The following SHISA6 variants were observed in gnomAD, a reference collection of about 807,000 sequenced individuals.
SHISA6 encodes shisa family member 6, also known as protein shisa-6.
In SHISA6, 22 loss-of-function variants were observed where a neutral mutation model predicts 47.9. The observed-to-expected ratio is 0.46, with a 90% CI of 0.33 to 0.66. The LOEUF (loss-of-function observed/expected upper bound fraction) is 0.66, where lower values mean the gene tolerates loss of function less well. Among genes scored for constraint, SHISA6 ranks in the 30% least tolerant of loss-of-function variants. The pLI is 0.02. For missense variants in SHISA6, 680 were observed against 764.6 expected (o/e 0.89, Z 1.30); for synonymous variants, 388 against 337.8 (o/e 1.15, Z -1.63).
intron 3 of SHISA6, among the ~76,000 whole-genome samples, chr17:11,521,897 C>A (rs1005282054): frequency 1.3e-5 from 2 of 152,068 alleles, no homozygotes; most frequent in Non-Finnish European, 2.9e-5. Flanking sequence ...AGGGAAAATT[C>A]TACTTAGAGA....
intron 3 of SHISA6, among the ~76,000 whole-genome samples, chr17:11,425,113 G>T (rs1914575909): frequency 6.6e-6 from 1 of 151,338 alleles, no homozygotes; most frequent in Non-Finnish European, 1.5e-5. Context: ...TTATGTGTCT[G>T]AAATCTTTCA....
intron 3 of SHISA6, among the ~76,000 whole-genome samples, chr17:11,450,652 G>T (rs971655411): frequency 6.6e-6 from 1 of 151,746 alleles, no homozygotes; most frequent in African/African-American, 2.4e-5. Context: ...CCAAGATTGC[G>T]CCATTGCACT....
At chr17:11,493,478 C>T (rs540498515) in intron 3 of SHISA6, among the ~76,000 whole-genome samples, 1 of 152,334 alleles carries the variant, frequency 6.6e-6, no homozygotes, top group African/African-American at 2.4e-5. Flanking sequence ...CCGCCCACCT[C>T]GACCTCCCAA....
chr17:11,309,705 A>G (rs572041189), intron 2 of SHISA6, among the ~76,000 whole-genome samples: 1 of 152,386 alleles, frequency 6.6e-6, no homozygotes, highest in East Asian at 1.9e-4. Flanking sequence ...GATGTTCCCT[A>G]TGCAAGCATT....
Position 11,493,063 on chromosome 17 carries a change from A to G in SHISA6, c.896-58833A>G, listed in dbSNP as rs536092368. On this transcript the variant is annotated intron_variant, in intron 3 of 5. Transcript: ENST00000441885. The stretch of plus-strand genomic sequence containing the variant: ...TCGCCTCAACACTAACATTTATCCA[A>G]CTTTTCCATGGAGATAAGGAATGTT... Among the ~76,000 whole-genome samples, 56 of 152,088 alleles carry G rather than the reference A, an allele frequency of 3.7e-4. No individual in the cohort carries two copies. The South Asian group carries it at 0.011, about 31-fold the overall frequency.
In SHISA6 at chr17:11,454,390, G is replaced by A. The variant is rs138569935; in HGVS notation, c.895+74881G>A. 3.5e-3 allele frequency among the ~76,000 whole-genome samples: 536 copies of A among 152,318 alleles called. 4 individuals carry two copies. The highest frequency in any genetic ancestry group is 0.012 in the African/African-American group (515 of 41,568). On this transcript the variant is annotated intron_variant, in intron 3 of 5. Coordinates refer to ENST00000441885, the MANE Select transcript of SHISA6 (RefSeq NM_207386.4). ...CTTCCTACAGCCTGTTCTCCACAGA[G>A]CGGGCAAAGTGATCCTTTTCAGACA...
intron 3 of SHISA6, among the ~76,000 whole-genome samples, chr17:11,476,930 T>G (rs945215287): frequency 2.6e-5 from 4 of 152,188 alleles, no homozygotes; most frequent in African/African-American, 9.7e-5. Context: ...CCTCACAAAG[T>G]TTGGCCTTCT....
At chr17:11,273,554 T>A (rs566473998) in intron 2 of SHISA6, among the ~76,000 whole-genome samples, 1 of 152,354 alleles carries the variant, frequency 6.6e-6, no homozygotes, top group East Asian at 1.9e-4. Context: ...AAGGCTGGCC[T>A]AGCAACTTCC....
chr17:11,511,917 G>A (rs184755352), intron 3 of SHISA6, among the ~76,000 whole-genome samples: 24 of 152,322 alleles, frequency 1.6e-4, no homozygotes, highest in Non-Finnish European at 2.1e-4. Context: ...CATGCAGGAC[G>A]GAGACCTTGG....
intron 3 of SHISA6, among the ~76,000 whole-genome samples, chr17:11,476,974 G>A (rs114484086): frequency 2.0e-3 from 310 of 152,196 alleles, no homozygotes; most frequent in African/African-American, 7.1e-3. Flanking sequence ...AAACTGTTAC[G>A]TCTTCTTTGA....
At chr17:11,452,994 CT>C (rs1274422061) in intron 3 of SHISA6, among the ~76,000 whole-genome samples, 1 of 151,270 alleles carries the variant, frequency 6.6e-6, no homozygotes, top group Non-Finnish European at 1.5e-5. Flanking sequence ...ATATTCTCCC[CT>C]TTTCCCCACC....
chr17:11,551,300 G>T (rs11870962), intron 3 of SHISA6, among the ~76,000 whole-genome samples: 5,295 of 152,218 alleles, frequency 0.035, 278 homozygotes, highest in African/African-American at 0.12. Flanking sequence ...TAAAGGAAAT[G>T]CCTTTGAACT....
At chr17:11,269,620 C>A (rs1388775446) in intron 2 of SHISA6, among the ~76,000 whole-genome samples, 1 of 152,238 alleles carries the variant, frequency 6.6e-6, no homozygotes, top group African/African-American at 2.4e-5. Flanking sequence ...TGGGAAACTT[C>A]TGGTGAGTCT....
intron 3 of SHISA6, among the ~76,000 whole-genome samples, chr17:11,425,372 T>C (rs1293295293): frequency 6.6e-6 from 1 of 152,100 alleles, no homozygotes; most frequent in Non-Finnish European, 1.5e-5. Context: ...TAAGTGCCTA[T>C]GTGAGCACAG....
At chr17:11,499,683 C>CTTTTTTTTTTT (rs372464937) in intron 3 of SHISA6, among the ~76,000 whole-genome samples, 15 of 127,518 alleles carry the variant, frequency 1.2e-4, no homozygotes, top group East Asian at 4.4e-4. Context: ...CTTTTTCTTT[C>CTTTTTTTTTTT]TTTTTTTTTT....
rs114904969 is a variant in SHISA6 at position 11,360,637 on chromosome 17, G to A, written c.800-18777G>A. Among the ~76,000 whole-genome samples, 308 of 151,992 alleles carry A rather than the reference G, an allele frequency of 2.0e-3. 1 individual carries two copies. Among genetic ancestry groups the A allele is most frequent in the African/African-American group, 7.1e-3 (293 of 41,476 alleles). On this transcript the variant is annotated intron_variant, in intron 2 of 5. Coordinates refer to ENST00000441885, the MANE Select transcript of SHISA6 (RefSeq NM_207386.4). The stretch of plus-strand genomic sequence containing the variant: ...ACACACCGGGGCCTGTCCGGGGGTA[G>A]GGGGCAAGGGAAGGGAGAGCATTAG...
intron 3 of SHISA6, among the ~76,000 whole-genome samples, chr17:11,390,997 AATGG>A (rs1433832696): frequency 6.6e-6 from 1 of 152,218 alleles, no homozygotes. Context: ...GTTGCCTCTG[AATGG>A]ACGGGTCCTA....
intron 2 of SHISA6, among the ~76,000 whole-genome samples, chr17:11,327,941 CTCTCTG>C (rs1910960518): frequency 6.3e-5 from 9 of 143,248 alleles, no homozygotes; most frequent in African/African-American, 2.4e-4. Context: ...CTCTCTCTGT[CTCTCTG>C]TCTCTCTCTC....
In SHISA6 at chr17:11,517,503, G is replaced by A. The variant is rs370152278; in HGVS notation, c.896-34393G>A. Reference sequence around the variant, plus strand: ...TTTCTTTTAGCATAATGAAATTAGGGCCCAAGTCTTTGTTATGGAATCGGG... The same window carrying A: ...TTTCTTTTAGCATAATGAAATTAGGACCCAAGTCTTTGTTATGGAATCGGG... On this transcript the variant is annotated intron_variant, in intron 3 of 5. Coordinates refer to ENST00000441885, the MANE Select transcript of SHISA6 (RefSeq NM_207386.4). Among the ~76,000 whole-genome samples the A allele has an allele frequency of 6.6e-5, 10 of 152,124 alleles. No individual in the cohort carries two copies. The South Asian group carries it at 1.9e-3, about 28-fold the overall frequency.
Sources: allele counts gnomAD v4.1 joint callset (sites outside exome capture counted in the v4.1 genomes callset), GRCh38; gene constraint gnomAD v4.1.1; transcripts MANE v1.5; gene names NCBI Gene and HGNC (gene_info 2026-07-23, HGNC 2026-07-21).